The following EHMT1 variants were observed in gnomAD, a reference collection of about 807,000 sequenced individuals.
EHMT1 encodes the protein euchromatic histone lysine methyltransferase 1, also known as histone-lysine N-methyltransferase EHMT1.
Under a neutral mutation model 147.2 loss-of-function variants are expected in EHMT1, and 15 were observed. That is an observed-to-expected ratio of 0.10 (90% CI 0.07 to 0.16). The LOEUF (loss-of-function observed/expected upper bound fraction) is 0.16. Among genes scored for constraint, EHMT1 ranks in the 10% least tolerant of loss-of-function variants. The pLI is 1.00. For synonymous variants in EHMT1, 795 were observed against 709.6 expected (o/e 1.12, Z -1.91); for missense variants, 1,587 against 1,772.4 (o/e 0.90, Z 1.88).
intron 16 of EHMT1, among the ~76,000 whole-genome samples, chr9:137,797,476 T>C (rs1953058605): frequency 6.6e-6 from 1 of 152,234 alleles, no homozygotes; most frequent in Admixed American, 6.5e-5. Context: ...CCAAGGTCTC[T>C]GCCAGGTGCA....
intron 6 of EHMT1, chr9:137,745,494 G>A (rs1354155851): frequency 7.5e-6 from 3 of 398,474 alleles, no homozygotes; most frequent in East Asian, 3.6e-5. Flanking sequence ...AGAAAACACA[G>A]CATCATCACC....
chr9:137,653,100 C>T (rs1295042535), intron 1 of EHMT1, among the ~76,000 whole-genome samples: 2 of 152,184 alleles, frequency 1.3e-5, no homozygotes, highest in Non-Finnish European at 2.9e-5. Context: ...TAGGCCTTCA[C>T]ATTCATTCAC....
chr9:137,816,260 C>T (rs1954911562), intron 23 of EHMT1, 198 bp downstream of exon 23: 1 of 639,018 alleles, frequency 1.6e-6, no homozygotes, highest in African/African-American at 1.8e-5. Context: ...TCATGCTTCC[C>T]CCAGCACAGA....
At chr9:137,650,121 CAG>C (rs1230270817) in intron 1 of EHMT1, among the ~76,000 whole-genome samples, 1 of 151,860 alleles carries the variant, frequency 6.6e-6, no homozygotes, top group Non-Finnish European at 1.5e-5. Flanking sequence ...TTTTTTGAGA[CAG>C]GGTCTCACCC....
In EHMT1 at chr9:137,710,947, C is replaced by T. The variant is rs1564618601; in HGVS notation, c.22-20C>T. 2 of 1,589,662 alleles carry T rather than the reference C, an allele frequency of 1.3e-6. No individual in the cohort carries two copies. Among genetic ancestry groups the T allele is most frequent in the Admixed American group, 1.8e-5 (1 of 56,348 alleles). ...GCCTCCCACTGAACCCGGCTGACGG[C>T]TGTTGTTTCTCTCTAACAGGCAGTT... is the stretch of plus-strand genomic sequence containing the variant. On this transcript the variant is annotated intron_variant, in intron 1 of 26. Coordinates refer to ENST00000460843, the MANE Select transcript of EHMT1 (RefSeq NM_024757.5).
chr9:137,635,781 C>T (rs1038036772), intron 1 of EHMT1, among the ~76,000 whole-genome samples: 1 of 151,448 alleles, frequency 6.6e-6, no homozygotes, highest in African/African-American at 2.4e-5. Flanking sequence ...GATGGTGCCA[C>T]TGCTCTCCAG....
intron 17 of EHMT1, chr9:137,800,566 A>G: frequency 2.3e-6 from 1 of 434,338 alleles, no homozygotes; most frequent in Non-Finnish European, 4.3e-6. Context: ...CGTTGCACGC[A>G]GCTGTGTTGG....
intron 15 of EHMT1, chr9:137,784,282 C>T: frequency 6.8e-7 from 1 of 1,468,028 alleles, no homozygotes; most frequent in Non-Finnish European, 9.1e-7. Flanking sequence ...GCTGACTCCG[C>T]CTTTCAGAGA....
intron 1 of EHMT1, among the ~76,000 whole-genome samples, chr9:137,686,401 A>G (rs1942436897): frequency 6.6e-6 from 1 of 151,172 alleles, no homozygotes; most frequent in South Asian, 2.1e-4. Flanking sequence ...TAATTTTTTT[A>G]TTTTTTGAGG....
intron 1 of EHMT1, among the ~76,000 whole-genome samples, chr9:137,684,708 C>T (rs1253749899): frequency 6.6e-6 from 1 of 152,060 alleles, no homozygotes; most frequent in African/African-American, 2.4e-5. Context: ...GCCCAGGCTG[C>T]TCTCGAACTC....
chr9:137,701,990 C>T (rs1243158132), intron 1 of EHMT1, among the ~76,000 whole-genome samples: 1 of 152,082 alleles, frequency 6.6e-6, no homozygotes, highest in Non-Finnish European at 1.5e-5. Context: ...AACGGGGTTT[C>T]ACCATGTTGG....
At chr9:137,623,979 C>G (rs1183462550) in intron 1 of EHMT1, among the ~76,000 whole-genome samples, 1 of 150,966 alleles carries the variant, frequency 6.6e-6, no homozygotes, top group Admixed American at 6.7e-5. Context: ...GCCGCCATAC[C>G]CGGTTGATTT....
In EHMT1 at chr9:137,725,988, C is replaced by T. The variant is rs575100736; in HGVS notation, c.643-2361C>T. Among the ~76,000 whole-genome samples, 3 of 152,318 alleles carry T rather than the reference C, an allele frequency of 2.0e-5. No homozygotes were observed. In the South Asian group the frequency reaches 6.2e-4, roughly 32 times the overall value. ...TCCCTCAGAGCTGTCTCTGCAGCCA[C>T]ATGTTCACCCATGTCATGGACCCAC... On this transcript the variant is annotated intron_variant, in intron 3 of 26. Coordinates refer to ENST00000460843, the MANE Select transcript of EHMT1 (RefSeq NM_024757.5).
intron 1 of EHMT1, among the ~76,000 whole-genome samples, chr9:137,627,739 C>G (rs567595121): frequency 6.7e-6 from 1 of 149,902 alleles, no homozygotes; most frequent in East Asian, 2.0e-4. Flanking sequence ...TTGGTCTTGT[C>G]GCCCAGGCTG....
intron 9 of EHMT1, among the ~76,000 whole-genome samples, chr9:137,759,573 G>A (rs972026150): frequency 5.9e-5 from 9 of 152,364 alleles, no homozygotes; most frequent in Non-Finnish European, 8.8e-5. Context: ...ACACAAAGCC[G>A]GAGGAGAAAT....
chr9:137,707,017 G>A (rs1047687420), intron 1 of EHMT1, among the ~76,000 whole-genome samples: 1 of 151,984 alleles, frequency 6.6e-6, no homozygotes, highest in East Asian at 1.9e-4. Flanking sequence ...TAGAGACGGG[G>A]TTTCGCCATG....
chr9:137,633,071 CA>C (rs1252909480), intron 1 of EHMT1, among the ~76,000 whole-genome samples: 1 of 152,056 alleles, frequency 6.6e-6, no homozygotes, highest in Non-Finnish European at 1.5e-5. Context: ...GAGGAGGGCA[CA>C]AGGATGACTT....
chr9:137,765,460 A>G (rs1950151643), intron 10 of EHMT1, among the ~76,000 whole-genome samples: 1 of 152,208 alleles, frequency 6.6e-6, no homozygotes, highest in African/African-American at 2.4e-5. Flanking sequence ...TTAAAATTAA[A>G]CACAGATCCC....
intron 1 of EHMT1, chr9:137,685,183 A>G (rs1456042525): frequency 6.6e-6 from 1 of 152,164 alleles, no homozygotes; most frequent in Non-Finnish European, 1.5e-5. Context: ...AACCATTGTA[A>G]CCGTCATCAG....
Sources: allele counts gnomAD v4.1 joint callset (sites outside exome capture counted in the v4.1 genomes callset), GRCh38; gene constraint gnomAD v4.1.1; transcripts MANE v1.5; gene names NCBI Gene and HGNC (gene_info 2026-07-23, HGNC 2026-07-21).